Variants in WWOX observed in about 807,000 individuals in gnomAD.
WWOX encodes WW domain containing oxidoreductase, also known as WW domain-containing oxidoreductase.
WWOX carries 69 observed loss-of-function variants against 46.2 expected under a neutral mutation model. That is an observed-to-expected ratio of 1.49 (90% CI 1.23 to 1.82). The LOEUF (loss-of-function observed/expected upper bound fraction) is 1.82, where lower values mean the gene tolerates loss of function less well. Ranked by LOEUF, WWOX falls within the 40% of genes most tolerant of loss-of-function variation. WWOX has a pLI of 0.00. For synonymous variants in WWOX, 359 were observed against 202.6 expected, an observed-to-expected ratio of 1.77 and a Z score of -6.56; for missense variants, 919 against 542.6, an observed-to-expected ratio of 1.69 and a Z score of -6.89.
intron 8 of WWOX, chr16:78,691,283 A>C: frequency 1.4e-6 from 1 of 702,220 alleles, no homozygotes; most frequent in East Asian, 2.7e-5. Flanking sequence ...TCTGATTGTC[A>C]GTGACTTTGG....
chr16:78,401,162 A>T (rs994172232), intron 6 of WWOX, among the ~76,000 whole-genome samples: 2 of 152,220 alleles, frequency 1.3e-5, no homozygotes, highest in African/African-American at 2.4e-5. Flanking sequence ...TCCATAGGAA[A>T]AATGTTAAAT....
intron 8 of WWOX, among the ~76,000 whole-genome samples, chr16:78,957,940 C>A (rs551797907): frequency 1.3e-5 from 2 of 152,208 alleles, no homozygotes; most frequent in African/African-American, 2.4e-5. Flanking sequence ...ACTGTCACCA[C>A]ATCAGCACAT....
chr16:78,136,694 G>T (rs191624952), intron 4 of WWOX, among the ~76,000 whole-genome samples: 1 of 152,200 alleles, frequency 6.6e-6, no homozygotes, highest in South Asian at 2.1e-4. Flanking sequence ...GTTTTAAGAG[G>T]TCTATCAAAT....
intron 8 of WWOX, among the ~76,000 whole-genome samples, chr16:78,872,558 T>C (rs181237671): frequency 6.6e-6 from 1 of 152,262 alleles, no homozygotes; most frequent in Admixed American, 6.5e-5. Context: ...TCAATTTCTT[T>C]GTTTTAAAAA....
At chr16:78,920,479 C>G (rs115749769) in intron 8 of WWOX, among the ~76,000 whole-genome samples, 11 of 152,300 alleles carry the variant, frequency 7.2e-5, no homozygotes, top group African/African-American at 2.6e-4. Context: ...CCCCGAATGA[C>G]TGGAGGAACT....
rs140082648 is a variant in WWOX at position 78,182,735 on chromosome 16, G to A, written c.516+18446G>A. Among the ~76,000 whole-genome samples, 1,275 of 151,916 alleles carry A rather than the reference G, an allele frequency of 8.4e-3. 21 individuals are homozygous for A. Among genetic ancestry groups the A allele is most frequent in the African/African-American group, 0.029 (1,206 of 41,404 alleles). On this transcript the variant is annotated intron_variant, in intron 5 of 8. Transcript: ENST00000566780. The stretch of plus-strand genomic sequence containing the variant: ...TGGGAGGCCGAGGTGGGTGGATCAC[G>A]AGGTCAGGAGATCGAGACCATCCTG...
chr16:79,117,418 G>A (rs749610966), intron 8 of WWOX, among the ~76,000 whole-genome samples: 6 of 152,160 alleles, frequency 3.9e-5, no homozygotes, highest in South Asian at 2.1e-4. Flanking sequence ...CTCATCCAGG[G>A]TTTGTTATTC....
intron 8 of WWOX, chr16:78,525,323 C>CT (rs374041872): frequency 3.3e-5 from 5 of 151,880 alleles, no homozygotes; most frequent in African/African-American, 1.2e-4. Flanking sequence ...GTAGCTGGGA[C>CT]TGCAGGCGCC....
intron 5 of WWOX, among the ~76,000 whole-genome samples, chr16:78,383,046 A>G (rs2081988428): frequency 6.6e-6 from 1 of 150,572 alleles, no homozygotes; most frequent in Non-Finnish European, 1.5e-5. Flanking sequence ...TCTTGTAAAC[A>G]AGCAGATCTT....
At chr16:78,494,411 A>T (rs917725086) in intron 8 of WWOX, among the ~76,000 whole-genome samples, 4 of 152,118 alleles carry the variant, frequency 2.6e-5, no homozygotes. Context: ...GGCTTAGAGG[A>T]GGTTCAAATC....
chr16:78,591,436 C>G (rs2045349445), intron 8 of WWOX, among the ~76,000 whole-genome samples: 1 of 152,220 alleles, frequency 6.6e-6, no homozygotes, highest in Non-Finnish European at 1.5e-5. Flanking sequence ...TAGACCTTCC[C>G]TCACACTTTC....
At chr16:78,852,793 T>G (rs1237287073) in intron 8 of WWOX, among the ~76,000 whole-genome samples, 3 of 152,250 alleles carry the variant, frequency 2.0e-5, no homozygotes, top group Non-Finnish European at 4.4e-5. Context: ...AGTTCCTCAA[T>G]GGTTCCACCT....
intron 5 of WWOX, among the ~76,000 whole-genome samples, chr16:78,165,896 T>C (rs772981997): frequency 1.2e-4 from 19 of 152,234 alleles, no homozygotes; most frequent in Non-Finnish European, 2.5e-4. Context: ...AACAGAGTCT[T>C]ACTTTTTCTG....
intron 5 of WWOX, among the ~76,000 whole-genome samples, chr16:78,378,804 C>A (rs35396328): frequency 0.24 from 36,424 of 152,028 alleles, 6,173 homozygotes; most frequent in African/African-American, 0.48. Context: ...GCCGTGCTTA[C>A]ATTTTCTCCT....
chr16:78,952,080 C>T (rs925238550), intron 8 of WWOX, among the ~76,000 whole-genome samples: 13 of 152,238 alleles, frequency 8.5e-5, no homozygotes, highest in African/African-American at 3.1e-4. Context: ...TACAATCCCT[C>T]GACCCAGTGA....
rs573020276 is a variant in WWOX at position 78,172,262 on chromosome 16, G to A, written c.516+7973G>A. Among the ~76,000 whole-genome samples, 6 of 152,312 alleles carry A rather than the reference G, an allele frequency of 3.9e-5. No homozygotes were observed. The East Asian group carries it at 1.2e-3, about 29-fold the overall frequency. The stretch of plus-strand genomic sequence containing the variant: ...AATCTGAGGGAGTTGATGAACATGG[G>A]CCAAGGAAGCTCTTTCCTTCGCCTT... On this transcript the variant is annotated intron_variant, in intron 5 of 8. Transcript: ENST00000566780.
chr16:78,842,552 T>C (rs1194288029), intron 8 of WWOX, among the ~76,000 whole-genome samples: 1 of 151,920 alleles, frequency 6.6e-6, no homozygotes, highest in Non-Finnish European at 1.5e-5. Context: ...TCTAAGATGA[T>C]TGGAAACAGT....
intron 8 of WWOX, among the ~76,000 whole-genome samples, chr16:78,555,255 A>G (rs2151548970): frequency 6.6e-6 from 1 of 151,676 alleles, no homozygotes; most frequent in East Asian, 1.9e-4. Context: ...GTATTCTCCT[A>G]TACTGTCCGG....
At chr16:78,426,629 G>A (rs966697144) in intron 7 of WWOX, among the ~76,000 whole-genome samples, 22 of 152,058 alleles carry the variant, frequency 1.4e-4, no homozygotes, top group African/African-American at 5.3e-4. Context: ...CTGGTTTTAT[G>A]CTTTCCAATT....
Sources: allele counts gnomAD v4.1 joint callset (sites outside exome capture counted in the v4.1 genomes callset), GRCh38; gene constraint gnomAD v4.1.1; transcripts MANE v1.5; gene names NCBI Gene and HGNC (gene_info 2026-07-23, HGNC 2026-07-21).